The following IGSF3 variants were observed in gnomAD, a reference collection of about 807,000 sequenced individuals.
IGSF3 encodes the protein glu-Trp-Ile EWI motif-containing protein 3.
In IGSF3, 23 loss-of-function variants were observed where a neutral mutation model predicts 114.4. That is an observed-to-expected ratio of 0.20 (90% confidence interval 0.14 to 0.28). IGSF3 has a LOEUF of 0.28. Among genes scored for constraint, IGSF3 ranks in the 10% least tolerant of loss-of-function variants. IGSF3 has a pLI of 1.00. For missense variants in IGSF3, 1,172 were observed against 1,591.5 expected (o/e 0.74, Z 4.48); for synonymous variants, 571 against 645.2 (o/e 0.88, Z 1.74).
chr1:116,645,326 G>A (rs1648312419), intron 2 of IGSF3, among the ~76,000 whole-genome samples: 1 of 152,220 alleles, frequency 6.6e-6, no homozygotes, highest in African/African-American at 2.4e-5. Flanking sequence ...GCAGGATTCA[G>A]GTCCCCTGAG....
chr1:116,597,070 A>C (rs1412677465), intron 7 of IGSF3, among the ~76,000 whole-genome samples: 1 of 152,238 alleles, frequency 6.6e-6, no homozygotes, highest in East Asian at 1.9e-4. Flanking sequence ...TAAAAGGTCA[A>C]AGTCTCCCTA....
rs1648486029 is a variant in IGSF3 at position 116,648,285 on chromosome 1, G to T, written c.43+17999C>A. 6.6e-6 allele frequency among the ~76,000 whole-genome samples: 1 copy of T among 152,152 alleles called. No individual in the cohort carries two copies. Among genetic ancestry groups the T allele is most frequent in the Admixed American group, 6.5e-5 (1 of 15,276 alleles). On this transcript the variant is annotated intron_variant, in intron 2 of 10. Coordinates refer to ENST00000369486, the MANE Select transcript of IGSF3 (RefSeq NM_001007237.3). The surrounding 1 kb of genome is among the most constrained non-coding windows in gnomAD (Gnocchi z 4.7). ...AACTTATCAAGAAAAGCTCCAGAGA[G>T]GACAATGCCAGCAATGCCGGCTGTC...
chr1:116,645,819 AC>A (rs1648341187), intron 2 of IGSF3, among the ~76,000 whole-genome samples: 3 of 152,326 alleles, frequency 2.0e-5, no homozygotes, highest in Admixed American at 6.5e-5. Flanking sequence ...CAAGTCAAGG[AC>A]CAGCAGGAGG....
At chr1:116,619,326 C>A (rs931807100) in intron 2 of IGSF3, among the ~76,000 whole-genome samples, 1 of 152,184 alleles carries the variant, frequency 6.6e-6, no homozygotes, top group Non-Finnish European at 1.5e-5. Context: ...GCCAGCGGAT[C>A]ATGCACGTCC....
At chr1:116,639,784 C>T (rs985631031) in intron 2 of IGSF3, among the ~76,000 whole-genome samples, 1 of 152,084 alleles carries the variant, frequency 6.6e-6, no homozygotes, top group African/African-American at 2.4e-5. Context: ...AAAATATGCA[C>T]TTTCTTTGGG....
rs1452612935 is a variant in IGSF3 at position 116,655,000 on chromosome 1, G to A, written c.43+11284C>T. Among the ~76,000 whole-genome samples, 1 of 152,032 alleles carries A rather than the reference G, an allele frequency of 6.6e-6. No homozygotes were observed. ...TAAAGGAGAGCTGAGAACAAAACAG[G>A]AAGAAAAGAGGTTAAGTAATGGCAA... is the stretch of plus-strand genomic sequence containing the variant. On this transcript the variant is annotated intron_variant, in intron 2 of 10. Transcript: ENST00000369486. This position sits in a 1 kb window ranked among gnomAD's most constrained non-coding sequence, Gnocchi z 4.4.
At chr1:116,611,749 G>C (rs1661031228) in intron 4 of IGSF3, among the ~76,000 whole-genome samples, 1 of 152,064 alleles carries the variant, frequency 6.6e-6, no homozygotes, top group Non-Finnish European at 1.5e-5. Flanking sequence ...GATAACTGTG[G>C]TTGCAAGAAC....
Position 116,618,227 on chromosome 1 carries a change from C to A in IGSF3, c.44-1770G>T, listed in dbSNP as rs3879758. Among the ~76,000 whole-genome samples the A allele has an allele frequency of 2.0e-5, 3 of 152,174 alleles. No individual in the cohort carries two copies. Among genetic ancestry groups the A allele is most frequent in the Admixed American group, 1.3e-4 (2 of 15,284 alleles). ...GGCTTCAGCAGAATCAGGAAAAATACAAAATTGGCAGGGGAAGGAAATAAA... is the reference window on the plus strand; with the variant it reads ...GGCTTCAGCAGAATCAGGAAAAATAAAAAATTGGCAGGGGAAGGAAATAAA... On this transcript the variant is annotated intron_variant, in intron 2 of 10. Transcript: ENST00000369486. This position sits in a 1 kb window ranked among gnomAD's most constrained non-coding sequence, Gnocchi z 4.7.
In IGSF3 at chr1:116,634,868, A is replaced by T. The variant is rs1432209491; in HGVS notation, c.44-18411T>A. Among the ~76,000 whole-genome samples, 1 of 152,052 alleles carries T rather than the reference A, an allele frequency of 6.6e-6. No individual in the cohort carries two copies. Among genetic ancestry groups the T allele is most frequent in the Non-Finnish European group, 1.5e-5 (1 of 68,016 alleles). On this transcript the variant is annotated intron_variant, in intron 2 of 10. Coordinates refer to ENST00000369486, the MANE Select transcript of IGSF3 (RefSeq NM_001007237.3). This position sits in a 1 kb window ranked among gnomAD's most constrained non-coding sequence, Gnocchi z 4.2. ...TGGAGCCTGAGTTGCGGTGTAAGCC[A>T]TCTGCCTGCTCCGAGCCCGCCACAC...
At position 116,636,560 on chromosome 1, in the gene IGSF3, G is replaced by A. The variant is rs1430502645; in HGVS notation, c.44-20103C>T. ...AGACCTCAAAAATATTAGTTGAGTG[G>A]AGGAAAGAATGAACAGTCATCTGGC... is the stretch of plus-strand genomic sequence containing the variant. On this transcript the variant is annotated intron_variant, in intron 2 of 10. Coordinates refer to ENST00000369486, the MANE Select transcript of IGSF3 (RefSeq NM_001007237.3). This position sits in a 1 kb window ranked among gnomAD's most constrained non-coding sequence, Gnocchi z 4.5. 1.1e-4 allele frequency among the ~76,000 whole-genome samples: 16 copies of A among 152,284 alleles called. No individual in the cohort carries two copies. The highest frequency in any genetic ancestry group is 1.8e-4 in the Non-Finnish European group (12 of 68,018).
Position 116,584,519 on chromosome 1 carries a change from A to T in IGSF3, c.2848+126T>A. 1 of 933,250 alleles carries T rather than the reference A, an allele frequency of 1.1e-6. No individual in the cohort carries two copies. Among genetic ancestry groups the T allele is most frequent in the Non-Finnish European group, 1.6e-6 (1 of 610,624 alleles). 57.8% of individuals were successfully genotyped at this position (933,250 alleles called of 1,614,324 possible). ...CAATTTTGAATATAAATGCATATACATGTAGACACTCATATATTTAACTGC... is the reference window on the plus strand; with the variant it reads ...CAATTTTGAATATAAATGCATATACTTGTAGACACTCATATATTTAACTGC... On this transcript the variant is annotated intron_variant, in intron 9 of 10. Transcript: ENST00000369486. This position sits in a 1 kb window ranked among gnomAD's most constrained non-coding sequence, Gnocchi z 5.8.
intron 8 of IGSF3, among the ~76,000 whole-genome samples, chr1:116,586,201 C>T (rs1571120372): frequency 3.3e-5 from 5 of 152,294 alleles, no homozygotes; most frequent in South Asian, 2.1e-4. Context: ...TGTTTTACAA[C>T]ATTCATGATT....
Position 116,584,015 on chromosome 1 carries a change from C to T in IGSF3, c.2848+630G>A, listed in dbSNP as rs1316376701. ...ACCAGCTTGGCCAACATGATGAAAC[C>T]CCGTCTCTACTAAAAATACACAAAT... On this transcript the variant is annotated intron_variant, in intron 9 of 10. Transcript: ENST00000369486. The surrounding 1 kb of genome is among the most constrained non-coding windows in gnomAD (Gnocchi z 5.8). 6.6e-6 allele frequency among the ~76,000 whole-genome samples: 1 copy of T among 152,034 alleles called. No homozygotes were observed. Among genetic ancestry groups the T allele is most frequent in the African/African-American group, 2.4e-5 (1 of 41,388 alleles).
At position 116,584,444 on chromosome 1, in the gene IGSF3, A is replaced by G; in HGVS notation, c.2848+201T>C. The G allele has an allele frequency of 1.7e-6, 1 of 585,478 alleles. No homozygotes were observed. The highest frequency in any genetic ancestry group is 3.0e-6 in the Non-Finnish European group (1 of 329,832). 36.3% of individuals were successfully genotyped at this position (585,478 alleles called of 1,614,324 possible). A position where few individuals can be genotyped will look rare whatever the true frequency, so the allele number is the denominator to read the frequency against. ...TCTATTTAAGAAATCAAATCACCTTAGGCCAAAGCCAGACGTGCAATTTTC... is the reference window on the plus strand; with the variant it reads ...TCTATTTAAGAAATCAAATCACCTTGGGCCAAAGCCAGACGTGCAATTTTC... On this transcript the variant is annotated intron_variant, in intron 9 of 10. Coordinates refer to ENST00000369486, the MANE Select transcript of IGSF3 (RefSeq NM_001007237.3). This position sits in a 1 kb window ranked among gnomAD's most constrained non-coding sequence, Gnocchi z 5.8.
At position 116,613,968 on chromosome 1, in the gene IGSF3, T is replaced by A. The variant is rs558389581; in HGVS notation, c.629A>T (p.Tyr210Phe). The A allele has an allele frequency of 2.5e-5, 40 of 1,613,976 alleles. No homozygotes were observed. In the East Asian group the frequency reaches 8.5e-4, roughly 34 times the overall value. The change falls in exon 4 of 11, where the codon TAT (tyrosine) becomes TTT (phenylalanine). Residue 210 changes from tyrosine (Y) to phenylalanine (F), a missense_variant. Physicochemically the swap from Tyr to Phe is conservative, Grantham distance 22. Transcript: ENST00000369486. ...RDFMLHSSSE[Y>F]AQRQSLGEVR... ...CTCCCCCAGGCTCTGCCTCTGGGCATATTCGCTGCTGGAGTGAAGCATGAA... is the reference window on the plus strand; with the variant it reads ...CTCCCCCAGGCTCTGCCTCTGGGCAAATTCGCTGCTGGAGTGAAGCATGAA...
At position 116,627,120 on chromosome 1, in the gene IGSF3, T is replaced by G. The variant is rs2101033866; in HGVS notation, c.44-10663A>C. On this transcript the variant is annotated intron_variant, in intron 2 of 10. Coordinates refer to ENST00000369486, the MANE Select transcript of IGSF3 (RefSeq NM_001007237.3). The surrounding 1 kb of genome is among the most constrained non-coding windows in gnomAD (Gnocchi z 4.7). ...CGTCCGGTTTTGGAGATAACAGAAATAGGCTGAGTGTTGGGCATTTTTTTT... is the reference window on the plus strand; with the variant it reads ...CGTCCGGTTTTGGAGATAACAGAAAGAGGCTGAGTGTTGGGCATTTTTTTT... Among the ~76,000 whole-genome samples, 1 of 152,216 alleles carries G rather than the reference T, an allele frequency of 6.6e-6. No individual in the cohort carries two copies. The highest frequency in any genetic ancestry group is 2.1e-4 in the South Asian group (1 of 4,824).
chr1:116,622,665 C>G (rs1444709750), intron 2 of IGSF3, among the ~76,000 whole-genome samples: 1 of 152,158 alleles, frequency 6.6e-6, no homozygotes, highest in Non-Finnish European at 1.5e-5. Context: ...ATGAGTAGCA[C>G]TTTCCCAGGC....
rs568613609 is a variant in IGSF3 at position 116,640,136 on chromosome 1, G to A, written c.44-23679C>T. 2.6e-5 allele frequency among the ~76,000 whole-genome samples: 4 copies of A among 151,632 alleles called. No individual in the cohort carries two copies. In the East Asian group the frequency reaches 7.7e-4, roughly 29 times the overall value. On this transcript the variant is annotated intron_variant, in intron 2 of 10. Coordinates refer to ENST00000369486, the MANE Select transcript of IGSF3 (RefSeq NM_001007237.3). ...ATAACAAAAAATGCCAAGTTTCTTAGCTCCAGTCAAGAAAATGACATCACA... is the reference window on the plus strand; with the variant it reads ...ATAACAAAAAATGCCAAGTTTCTTAACTCCAGTCAAGAAAATGACATCACA...
intron 2 of IGSF3, among the ~76,000 whole-genome samples, chr1:116,659,632 G>T (rs55976939): frequency 6.6e-6 from 1 of 151,254 alleles, no homozygotes; most frequent in African/African-American, 2.4e-5. Flanking sequence ...CGCTCTTTTT[G>T]TGTGTGTGTG....
Sources: gnomAD v4.1 joint callset for allele counts (sites outside exome capture counted in the v4.1 genomes callset) on GRCh38, gnomAD v4.1.1 for gene constraint, Gnocchi (gnomAD v3.1) non-coding constraint, MANE v1.5 for transcripts, NCBI Gene and HGNC (gene_info 2026-07-23, HGNC 2026-07-21) for gene names.